PRKD1: variants seen among roughly 807,000 people sequenced by gnomAD.
PRKD1 encodes the protein protein kinase D1, also known as serine/threonine-protein kinase D1.
Under a neutral mutation model 95.9 loss-of-function variants are expected in PRKD1, and 63 were observed. The ratio of observed to expected loss-of-function variants is 0.66; its 90% CI spans 0.54 to 0.81. PRKD1 has a LOEUF of 0.81. Ranked by LOEUF, PRKD1 falls within the 30% of genes least tolerant of loss-of-function variation. PRKD1 has a pLI of 0.00. For missense variants in PRKD1, 1,048 were observed against 1,165.3 expected (o/e 0.90, Z 1.47); for synonymous variants, 425 against 423.1 (o/e 1.00, Z -0.05).
intron 13 of PRKD1, among the ~76,000 whole-genome samples, chr14:29,610,995 A>G (rs1482359747): frequency 6.6e-6 from 1 of 152,240 alleles, no homozygotes; most frequent in Non-Finnish European, 1.5e-5. Context: ...AGTGGCTGAC[A>G]GGGATAGTTG....
At chr14:29,628,189 T>G (rs1405986412) in intron 11 of PRKD1, among the ~76,000 whole-genome samples, 2 of 152,242 alleles carry the variant, frequency 1.3e-5, no homozygotes, top group Non-Finnish European at 2.9e-5. Context: ...CAAATTCATA[T>G]TTGGCTGTTT....
At chr14:29,647,612 C>T (rs1881208206) in intron 4 of PRKD1, among the ~76,000 whole-genome samples, 1 of 152,142 alleles carries the variant, frequency 6.6e-6, no homozygotes, top group South Asian at 2.1e-4. Flanking sequence ...ATGAAATAGT[C>T]TGAAAAGAGA....
intron 2 of PRKD1, among the ~76,000 whole-genome samples, chr14:29,670,811 G>A (rs913438193): frequency 6.6e-6 from 1 of 152,098 alleles, no homozygotes; most frequent in African/African-American, 2.4e-5. Context: ...TCATGCAACC[G>A]TTGTTCAAGT....
intron 1 of PRKD1, among the ~76,000 whole-genome samples, chr14:29,727,543 CT>C (rs1886220784): frequency 6.6e-6 from 1 of 151,206 alleles, no homozygotes; most frequent in Non-Finnish European, 1.5e-5. Flanking sequence ...ACGTTTAAGT[CT>C]TTAATCCATC....
At chr14:29,813,661 A>G (rs936622003) in intron 1 of PRKD1, among the ~76,000 whole-genome samples, 2 of 152,200 alleles carry the variant, frequency 1.3e-5, no homozygotes, top group African/African-American at 4.8e-5. Context: ...GCTAAATACC[A>G]CAAGGCCTAG....
intron 1 of PRKD1, among the ~76,000 whole-genome samples, chr14:29,902,751 G>A (rs1311952644): frequency 6.6e-6 from 1 of 152,022 alleles, no homozygotes; most frequent in African/African-American, 2.4e-5. Context: ...TATATTAGTA[G>A]TTCGTTATTT....
At chr14:29,845,299 A>G (rs1892037083) in intron 1 of PRKD1, among the ~76,000 whole-genome samples, 1 of 152,214 alleles carries the variant, frequency 6.6e-6, no homozygotes, top group Non-Finnish European at 1.5e-5. Flanking sequence ...AATTAAATAA[A>G]TGTCTATTTG....
intron 1 of PRKD1, among the ~76,000 whole-genome samples, chr14:29,733,340 G>A (rs376618281): frequency 2.0e-5 from 3 of 152,134 alleles, no homozygotes; most frequent in South Asian, 4.2e-4. Context: ...CTGGCCTCGT[G>A]ATCCACCCAC....
intron 1 of PRKD1, among the ~76,000 whole-genome samples, chr14:29,837,632 G>T (rs891474389): frequency 6.6e-6 from 1 of 151,978 alleles, no homozygotes; most frequent in Non-Finnish European, 1.5e-5. Context: ...TCAATACAAG[G>T]TCTGATTTTA....
chr14:29,912,544 T>C (rs751589646), intron 1 of PRKD1, among the ~76,000 whole-genome samples: 5 of 152,222 alleles, frequency 3.3e-5, no homozygotes, highest in Non-Finnish European at 7.3e-5. Flanking sequence ...ATAACTCACA[T>C]ATCTGCTTCA....
intron 2 of PRKD1, among the ~76,000 whole-genome samples, chr14:29,702,009 T>C (rs1265791431): frequency 2.0e-5 from 3 of 152,148 alleles, no homozygotes; most frequent in East Asian, 1.9e-4. Context: ...TTTATTAGGA[T>C]TGTAATAAAT....
chr14:29,826,635 GTGTGTGTGTATATA>G (rs1891136785), intron 1 of PRKD1, among the ~76,000 whole-genome samples: 2 of 93,612 alleles, frequency 2.1e-5, no homozygotes, highest in African/African-American at 8.8e-5. Context: ...ACATATATAT[GTGTGTGTGTATATA>G]TATGTGTGTG....
At chr14:29,832,384 C>A (rs1891444882) in intron 1 of PRKD1, among the ~76,000 whole-genome samples, 1 of 152,118 alleles carries the variant, frequency 6.6e-6, no homozygotes, top group Non-Finnish European at 1.5e-5. Context: ...GCATGCATTT[C>A]TCCATTGACA....
At chr14:29,635,575 T>C (rs779023885) in intron 7 of PRKD1, among the ~76,000 whole-genome samples, 1 of 152,246 alleles carries the variant, frequency 6.6e-6, no homozygotes, top group Non-Finnish European at 1.5e-5. Context: ...AAAGTTTCAA[T>C]AGGCTTTATA....
At chr14:29,887,180 T>C (rs577770973) in intron 1 of PRKD1, among the ~76,000 whole-genome samples, 1 of 152,262 alleles carries the variant, frequency 6.6e-6, no homozygotes, top group East Asian at 1.9e-4. Context: ...AGCTCAAATT[T>C]CAGGAAAAAA....
intron 1 of PRKD1, among the ~76,000 whole-genome samples, chr14:29,763,590 C>T (rs1235173660): frequency 6.6e-6 from 1 of 152,002 alleles, no homozygotes; most frequent in Non-Finnish European, 1.5e-5. Flanking sequence ...AGGTGAAGGA[C>T]AGAGAAAGAA....
At chr14:29,723,516 T>C (rs1648890870) in intron 2 of PRKD1, among the ~76,000 whole-genome samples, 1 of 152,092 alleles carries the variant, frequency 6.6e-6, no homozygotes, top group Non-Finnish European at 1.5e-5. Flanking sequence ...AGGGTTGTAA[T>C]ACAAAGGGGT....
rs753469538 is a variant in PRKD1 at position 29,878,143 on chromosome 14, T to C, written c.264+49106A>G. Among the ~76,000 whole-genome samples the C allele has an allele frequency of 5.5e-4, 83 of 152,194 alleles. 1 individual carries two copies. Among genetic ancestry groups the C allele is most frequent in the Non-Finnish European group, 5.3e-4 (36 of 68,010 alleles). ...CAGATGAACAACAGACACTGGAGCCTACTTAAGGGTGGAGGGTGGACAGAG... is the reference window on the plus strand; with the variant it reads ...CAGATGAACAACAGACACTGGAGCCCACTTAAGGGTGGAGGGTGGACAGAG... On this transcript the variant is annotated intron_variant, in intron 1 of 17. Coordinates refer to ENST00000331968, the MANE Select transcript of PRKD1 (RefSeq NM_002742.3).
chr14:29,849,149 T>A (rs1195595515), intron 1 of PRKD1, among the ~76,000 whole-genome samples: 1 of 152,182 alleles, frequency 6.6e-6, no homozygotes, highest in Non-Finnish European at 1.5e-5. Flanking sequence ...GGGGGCAGAC[T>A]TTCCCCTTTG....
Sources: gnomAD v4.1 joint callset for allele counts (sites outside exome capture counted in the v4.1 genomes callset) on GRCh38, gnomAD v4.1.1 for gene constraint, MANE v1.5 for transcripts, NCBI Gene and HGNC (gene_info 2026-07-23, HGNC 2026-07-21) for gene names.